Variants in FUBP3 observed in about 807,000 individuals in gnomAD.
The protein encoded by FUBP3 is far upstream element-binding protein 3.
FUBP3 carries 28 observed loss-of-function variants against 85.6 expected under a neutral mutation model. The ratio of observed to expected loss-of-function variants is 0.33; its 90% CI spans 0.24 to 0.45. FUBP3 has a LOEUF of 0.45. Among genes scored for constraint, FUBP3 ranks in the 20% least tolerant of loss-of-function variants. FUBP3 has a pLI of 1.00. For synonymous variants in FUBP3, 271 were observed against 271.4 expected (o/e 1.00, Z 0.01); for missense variants, 583 against 755.1 (o/e 0.77, Z 2.67).
chr9:130,612,475 T>G lies in FUBP3; in HGVS notation c.244T>G (p.Phe82Val). ...VHQRTVITEEFKVPDKMVGFI... is the reference protein window; with the variant it reads ...VHQRTVITEEVKVPDKMVGFI... ...TTTTAGGACGGTAATAACGGAAGAATTCAAAGTGCCTGACAAAATGGTTGG... is the reference window on the plus strand; with the variant it reads ...TTTTAGGACGGTAATAACGGAAGAAGTCAAAGTGCCTGACAAAATGGTTGG... The change falls in exon 4 of 19, where the codon TTC becomes GTC. Residue 82 changes from phenylalanine to valine, a missense_variant. Phe to Val is a conservative substitution (Grantham distance 50). Around this residue, in one of 3 missense-constraint regions of FUBP3, gnomAD observed 177 missense variants for 221.9 expected, o/e 0.80. Coordinates refer to ENST00000319725, the MANE Select transcript of FUBP3 (RefSeq NM_003934.2). This position sits in a 1 kb window ranked among gnomAD's most constrained non-coding sequence, Gnocchi z 4.1. The G allele has an allele frequency of 6.3e-7, 1 of 1,598,746 alleles. No homozygotes were observed. Among genetic ancestry groups the G allele is most frequent in the Non-Finnish European group, 8.6e-7 (1 of 1,166,790 alleles).
intron 1 of FUBP3, among the ~76,000 whole-genome samples, chr9:130,586,782 G>C (rs1475963005): frequency 1.8e-5 from 2 of 113,834 alleles, no homozygotes; most frequent in Admixed American, 1.1e-4. Context: ...ACGGAGTCTC[G>C]CTCTGTCACC....
intron 12 of FUBP3, among the ~76,000 whole-genome samples, chr9:130,629,095 A>G (rs7869635): frequency 0.033 from 5,037 of 152,244 alleles, 266 homozygotes; most frequent in African/African-American, 0.11. Flanking sequence ...TTGCTCCCCA[A>G]AAAACATTGC....
intron 3 of FUBP3, among the ~76,000 whole-genome samples, chr9:130,611,951 C>T (rs566259306): frequency 2.6e-5 from 4 of 152,264 alleles, no homozygotes; most frequent in Non-Finnish European, 5.9e-5. Flanking sequence ...CCGTTAAAAA[C>T]ATCCATAAAT....
Position 130,579,638 on chromosome 9 carries a change from G to C in FUBP3, c.-43G>C. 8.7e-7 allele frequency: 1 copy of C among 1,151,986 alleles called. No individual in the cohort carries two copies. Among genetic ancestry groups the C allele is most frequent in the Non-Finnish European group, 1.1e-6 (1 of 914,152 alleles). The allele number at this position is 1,151,986 out of a possible 1,614,324, so 71.4% of individuals were successfully genotyped here. On this transcript the variant is annotated 5_prime_UTR_variant, in exon 1 of 19. Coordinates refer to ENST00000319725, the MANE Select transcript of FUBP3 (RefSeq NM_003934.2). The stretch of plus-strand genomic sequence containing the variant: ...CCGGACCGGGGAGCCGAGCGGCGGC[G>C]TCGGCGGCGTCGGCGGCGGCGGCGA...
At chr9:130,628,108 A>G (rs761698569) in intron 12 of FUBP3, among the ~76,000 whole-genome samples, 2,961 of 140,470 alleles carry the variant, frequency 0.021, 39 homozygotes, top group African/African-American at 0.043. Flanking sequence ...GCACGCGCAC[A>G]CACACACACA....
At chr9:130,591,169 G>T (rs1443052609) in intron 1 of FUBP3, among the ~76,000 whole-genome samples, 1 of 152,186 alleles carries the variant, frequency 6.6e-6, no homozygotes, top group Non-Finnish European at 1.5e-5. Flanking sequence ...ATAAGGCCGG[G>T]CACGGTGGCT....
intron 8 of FUBP3, among the ~76,000 whole-genome samples, chr9:130,619,004 A>G (rs1394653789): frequency 6.6e-6 from 1 of 152,196 alleles, no homozygotes; most frequent in Non-Finnish European, 1.5e-5. Flanking sequence ...CTCAGTGCGA[A>G]CAGTTGGGCA....
chr9:130,616,557 A>C lies in FUBP3; in HGVS notation c.567+40A>C. On this transcript the variant is annotated intron_variant, in intron 7 of 18. Transcript: ENST00000319725. This position sits in a 1 kb window ranked among gnomAD's most constrained non-coding sequence, Gnocchi z 4.7. ...AGCACGGAGCACAGCGGCCGCTCGC[A>C]GCAGGTCTTCAGCTTCCTGGCCCAG... 1 of 1,601,220 alleles carries C rather than the reference A, an allele frequency of 6.2e-7. No homozygotes were observed. The highest frequency in any genetic ancestry group is 8.6e-7 in the Non-Finnish European group (1 of 1,169,244).
chr9:130,589,693 ATATATATATATATTTTTTTTT>A (rs1564190877), intron 1 of FUBP3, among the ~76,000 whole-genome samples: 44 of 29,792 alleles, frequency 1.5e-3, no homozygotes, highest in Middle Eastern at 0.012. Flanking sequence ...ATATATATAT[ATATATATATATATTTTTTTTT>A]TTTTTTTTTT....
At chr9:130,619,059 C>T (rs1478143950) in intron 8 of FUBP3, among the ~76,000 whole-genome samples, 1 of 152,172 alleles carries the variant, frequency 6.6e-6, no homozygotes, top group African/African-American at 2.4e-5. Flanking sequence ...CCCTGCTCAG[C>T]GTCCGGCCGT....
At chr9:130,585,722 A>G (rs563266233) in intron 1 of FUBP3, among the ~76,000 whole-genome samples, 1 of 152,320 alleles carries the variant, frequency 6.6e-6, no homozygotes, top group South Asian at 2.1e-4. Context: ...CATGGAACCA[A>G]ATCACATTCT....
chr9:130,619,799 T>A (rs902508990), intron 8 of FUBP3, among the ~76,000 whole-genome samples: 1 of 152,238 alleles, frequency 6.6e-6, no homozygotes, highest in Non-Finnish European at 1.5e-5. Context: ...ACCAGTAGGT[T>A]ATAGAAATAA....
In FUBP3 at chr9:130,614,366, T is replaced by C. The variant is rs2119076010; in HGVS notation, c.404+21T>C. On this transcript the variant is annotated intron_variant, in intron 6 of 18. Transcript: ENST00000319725. ...ATTGAGTAAGTTTATTTTATTTACT[T>C]TTTCTTTCACTCTTCTTCCTCCTTC... 2.0e-6 allele frequency: 3 copies of C among 1,496,058 alleles called. No homozygotes were observed. The East Asian group carries it at 6.8e-5, about 34-fold the overall frequency. The allele number at this position is 1,496,058 out of a possible 1,614,324, so 92.7% of individuals were successfully genotyped here. A position where few individuals can be genotyped will look rare whatever the true frequency, so the allele number is the denominator to read the frequency against.
intron 2 of FUBP3, among the ~76,000 whole-genome samples, chr9:130,606,395 C>A (rs559334365): frequency 2.0e-5 from 3 of 152,308 alleles, no homozygotes; most frequent in Middle Eastern, 3.4e-3. Context: ...CCCACCCCCC[C>A]CCAACAGACT....
At chr9:130,589,705 A>ATATATATTTTT (rs1414691549) in intron 1 of FUBP3, among the ~76,000 whole-genome samples, 2 of 73,860 alleles carry the variant, frequency 2.7e-5, no homozygotes, top group Non-Finnish European at 4.6e-5. Flanking sequence ...ATATATATAT[A>ATATATATTTTT]TTTTTTTTTT....
At chr9:130,614,654 C>T (rs529383562) in intron 6 of FUBP3, among the ~76,000 whole-genome samples, 1 of 152,360 alleles carries the variant, frequency 6.6e-6, no homozygotes, top group South Asian at 2.1e-4. Context: ...CTTGTTAACA[C>T]CTCCTTTACC....
At chr9:130,629,962 C>G (rs183740038) in intron 12 of FUBP3, among the ~76,000 whole-genome samples, 1 of 152,204 alleles carries the variant, frequency 6.6e-6, no homozygotes, top group South Asian at 2.1e-4. Flanking sequence ...TGAGACTCTC[C>G]GCAGGTTTTT....
At chr9:130,631,792 A>G (rs1022689710) in intron 14 of FUBP3, 150 bp from the exon 15 acceptor site, 2 of 810,012 alleles carry the variant, frequency 2.5e-6, no homozygotes, top group Non-Finnish European at 4.2e-6. Flanking sequence ...CCGGCCTATC[A>G]CTCACTGACC....
intron 7 of FUBP3, among the ~76,000 whole-genome samples, chr9:130,617,054 G>A (rs904442836): frequency 6.6e-5 from 10 of 152,190 alleles, no homozygotes; most frequent in African/African-American, 2.4e-4. Flanking sequence ...GTTAGTGCCA[G>A]AATCCCTCAT....
Sources: allele counts gnomAD v4.1 joint callset (sites outside exome capture counted in the v4.1 genomes callset), GRCh38; gene constraint gnomAD v4.1.1; regional missense constraint gnomAD v4.1.1; non-coding constraint Gnocchi (gnomAD v3.1); transcripts MANE v1.5; gene names NCBI Gene and HGNC (gene_info 2026-07-23, HGNC 2026-07-21).